Variants in EIF3A observed in about 807,000 individuals in gnomAD.
EIF3A encodes the protein EIF3, p180 subunit.
EIF3A carries 21 observed loss-of-function variants against 186.6 expected under a neutral mutation model. That is an observed-to-expected ratio of 0.11 (90% CI 0.08 to 0.16). The LOEUF (loss-of-function observed/expected upper bound fraction) is 0.16. Among genes scored for constraint, EIF3A ranks in the 10% least tolerant of loss-of-function variants. The probability of loss-of-function intolerance (pLI) is 1.00; values close to 1 mark genes in which losing one functional copy is unlikely to be tolerated. For synonymous variants in EIF3A, 563 were observed against 584.3 expected (o/e 0.96, Z 0.52); for missense variants, 1,306 against 1,796.3 (o/e 0.73, Z 4.93).
intron 14 of EIF3A, among the ~76,000 whole-genome samples, chr10:119,055,246 T>C (rs191793618): frequency 5.3e-5 from 8 of 151,826 alleles, no homozygotes; most frequent in African/African-American, 1.5e-4. Flanking sequence ...CAGGGAATAA[T>C]AGGAAGGGTC....
chr10:119,061,378 T>C, intron 7 of EIF3A, 50 bp from the exon 8 acceptor site: 1 of 858,884 alleles, frequency 1.2e-6, no homozygotes, highest in South Asian at 1.6e-5. Flanking sequence ...ATTTTCCAAC[T>C]AAAATTCTGA....
At chr10:119,061,063 GAT>G in intron 8 of EIF3A, 159 bp downstream of exon 8, 1 of 571,018 alleles carries the variant, frequency 1.8e-6, no homozygotes, top group Non-Finnish European at 3.1e-6. Context: ...GAGCACATCA[GAT>G]ATATCTTTTC....
At chr10:119,044,971 A>G (rs1253718766) in intron 17 of EIF3A, among the ~76,000 whole-genome samples, 2 of 145,162 alleles carry the variant, frequency 1.4e-5, no homozygotes, top group Non-Finnish European at 3.0e-5. Context: ...TTGAGGTGGA[A>G]TCTCACTCTG....
At position 119,036,172 on chromosome 10, in the gene EIF3A, C is replaced by T. The variant is rs1261567281; in HGVS notation, c.4016G>A (p.Arg1339Gln). The T allele has an allele frequency of 7.4e-6, 12 of 1,613,576 alleles. No individual in the cohort carries two copies. Among genetic ancestry groups the T allele is most frequent in the Admixed American group, 1.7e-5 (1 of 59,942 alleles). ...RVPPPALSRD[R>Q]ERDRDREREG... is the part of the protein sequence containing the mutation. ...TCTTTCTCGGTCTCGGTCTCTTTCT[C>T]GGTCTCTTGAAAGAGCTGGGGGAGG... is the stretch of plus-strand genomic sequence containing the variant. Residue 1339 changes from arginine (R) to glutamine (Q), a missense_variant, in exon 22 of 22, where the codon CGA becomes CAA. Arg to Gln is a conservative substitution (Grantham distance 43). Around this residue, in one of 8 missense-constraint regions of EIF3A, gnomAD observed 331 missense variants for 365.8 expected, o/e 0.90. Coordinates refer to ENST00000369144, the MANE Select transcript of EIF3A (RefSeq NM_003750.4).
At position 119,050,551 on chromosome 10, in the gene EIF3A, GCTC is replaced by G. The variant is rs770493523; in HGVS notation, c.2440_2442del (p.Glu814del). 2.5e-6 allele frequency: 4 copies of G among 1,613,964 alleles called. No homozygotes were observed. The highest frequency in any genetic ancestry group is 3.4e-6 in the Non-Finnish European group (4 of 1,179,926). On this transcript the variant is annotated inframe_deletion, in exon 16 of 22. Transcript: ENST00000369144. ...AGCATTTGTTCTTCTGCCCTTCTCTGCTCCTCCTCTTCTTTTTCTCTATAGTAT... is the reference window on the plus strand; with the variant it reads ...AGCATTTGTTCTTCTGCCCTTCTCTGCTCCTCTTCTTTTTCTCTATAGTAT...
intron 6 of EIF3A, among the ~76,000 whole-genome samples, chr10:119,068,820 A>G (rs1290396606): frequency 6.6e-6 from 1 of 151,914 alleles, no homozygotes; most frequent in African/African-American, 2.4e-5. Flanking sequence ...TAAAAATGCA[A>G]AAATTAGCCG....
chr10:119,050,146 A>C (rs1478854044), intron 16 of EIF3A, among the ~76,000 whole-genome samples, 161 bp from the exon 17 acceptor site: 2 of 152,206 alleles, frequency 1.3e-5, no homozygotes, highest in African/African-American at 4.8e-5. Context: ...CAAGAAAATA[A>C]GTACTACACC....
Position 119,050,346 on chromosome 10 carries a change from T to C in EIF3A, c.2473+175A>G, listed in dbSNP as rs145698252. Among the ~76,000 whole-genome samples the C allele has an allele frequency of 5.3e-5, 8 of 152,348 alleles. No homozygotes were observed. In the East Asian group the frequency reaches 1.5e-3, roughly 29 times the overall value. ...GAACATCAAATGTGTGGGGAAATGC[T>C]GGCAGACGATGTAACAACTTCACAT... is the stretch of plus-strand genomic sequence containing the variant. On this transcript the variant is annotated intron_variant, in intron 16 of 21. Coordinates refer to ENST00000369144, the MANE Select transcript of EIF3A (RefSeq NM_003750.4).
At chr10:119,049,125 G>A (rs1848320968) in intron 17 of EIF3A, among the ~76,000 whole-genome samples, 1 of 152,108 alleles carries the variant, frequency 6.6e-6, no homozygotes, top group Non-Finnish European at 1.5e-5. Flanking sequence ...TCCCCCCTTA[G>A]GTGCCTTCTG....
In EIF3A at chr10:119,044,432, G is replaced by A. The variant is rs1848255672; in HGVS notation, c.2659-290C>T. ...CTTCAACCTAGAAATCCCCTTTGAA[G>A]AATGTGAAAAAAGCCACATGCCCTG... On this transcript the variant is annotated intron_variant, in intron 17 of 21. Coordinates refer to ENST00000369144, the MANE Select transcript of EIF3A (RefSeq NM_003750.4). 2.6e-5 allele frequency among the ~76,000 whole-genome samples: 4 copies of A among 152,248 alleles called. No homozygotes were observed. In the South Asian group the frequency reaches 6.2e-4, roughly 24 times the overall value.
chr10:119,078,678 A>C (rs1327675873), intron 1 of EIF3A, among the ~76,000 whole-genome samples: 3 of 152,060 alleles, frequency 2.0e-5, no homozygotes, highest in African/African-American at 7.2e-5. Flanking sequence ...AGTCTTTTTT[A>C]AAAAGCTACA....
chr10:119,038,543 G>A, intron 19 of EIF3A, 104 bp from the exon 20 acceptor site: 1 of 908,902 alleles, frequency 1.1e-6, no homozygotes, highest in South Asian at 1.6e-5. Flanking sequence ...CATTCTAAAT[G>A]CTAATTTAAG....
chr10:119,042,031 GTCATCACCCCGTCTGGGAAACCGATCA>G lies in EIF3A; in HGVS notation c.3462_3488del (p.Asp1155_Asp1163del), dbSNP rs1848214469. 1 of 1,614,216 alleles carries G rather than the reference GTCATCACCCCGTCTGGGAAACCGATCA, an allele frequency of 6.2e-7. No individual in the cohort carries two copies. The highest frequency in any genetic ancestry group is 2.2e-5 in the East Asian group (1 of 44,884). On this transcript the variant is annotated inframe_deletion, in exon 19 of 22. Transcript: ENST00000369144. The surrounding 1 kb of genome is among the most constrained non-coding windows in gnomAD (Gnocchi z 7.8). ...ATGGTCTCCAAGGACCAGGTCTTGA[GTCATCACCCCGTCTGGGAAACCGATCA>G]TCATCAGCACGTCTTGAAAGGCGAT...
intron 6 of EIF3A, among the ~76,000 whole-genome samples, chr10:119,068,594 T>C (rs1268165937): frequency 6.6e-6 from 1 of 152,060 alleles, no homozygotes; most frequent in African/African-American, 2.4e-5. Context: ...GAGAATTGTT[T>C]GAACCCAGGA....
intron 14 of EIF3A, among the ~76,000 whole-genome samples, chr10:119,052,390 G>GTGTGTGTA (rs1452408317): frequency 4.0e-5 from 6 of 150,682 alleles, no homozygotes; most frequent in African/African-American, 1.5e-4. Context: ...GTGTGTGTGT[G>GTGTGTGTA]TGTGTGTGTT....
intron 19 of EIF3A, among the ~76,000 whole-genome samples, chr10:119,038,784 TG>T (rs1350010809): frequency 6.6e-6 from 1 of 151,922 alleles, no homozygotes; most frequent in Non-Finnish European, 1.5e-5. Context: ...TAGCCAGGTG[TG>T]GTGGTGCGCC....
chr10:119,069,644 T>C lies in EIF3A; in HGVS notation c.752A>G (p.Lys251Arg). The C allele has an allele frequency of 6.4e-7, 1 of 1,564,992 alleles. No individual in the cohort carries two copies. Among genetic ancestry groups the C allele is most frequent in the Non-Finnish European group, 8.8e-7 (1 of 1,135,620 alleles). ...ISMELWQEAF[K>R]AVEDIHGLFS... ...TAGCCCGTGAATATCTTCCACAGCT[T>C]TGAATGCTTCCTAAAATTAGGAGTA... is the stretch of plus-strand genomic sequence containing the variant. Residue 251 changes from lysine to arginine, a missense_variant, in exon 6 of 22, where the codon AAA (lysine) becomes AGA (arginine). Physicochemically the swap from Lys to Arg is conservative, Grantham distance 26. Coordinates refer to ENST00000369144, the MANE Select transcript of EIF3A (RefSeq NM_003750.4).
At chr10:119,043,953 G>T in intron 18 of EIF3A, 101 bp downstream of exon 18, 2 of 864,010 alleles carry the variant, frequency 2.3e-6, no homozygotes, top group Non-Finnish European at 3.9e-6. Flanking sequence ...ATTCTTCATG[G>T]CTCTCCTTTC....
In EIF3A at chr10:119,058,380, T is replaced by C. The variant is rs1211940470; in HGVS notation, c.1630-77A>G. 4 of 991,666 alleles carry C rather than the reference T, an allele frequency of 4.0e-6. No homozygotes were observed. The Admixed American group carries it at 1.1e-4, about 26-fold the overall frequency. The allele number at this position is 991,666 out of a possible 1,614,324, so 61.4% of individuals were successfully genotyped here. ...ATTAGGCATCAAAGAAATTACAAAA[T>C]AATCCTGATGTACTGCCTTTCTATG... On this transcript the variant is annotated intron_variant, in intron 11 of 21. Transcript: ENST00000369144.
Sources: allele counts gnomAD v4.1 joint callset (sites outside exome capture counted in the v4.1 genomes callset), GRCh38; gene constraint gnomAD v4.1.1; regional missense constraint gnomAD v4.1.1; non-coding constraint Gnocchi (gnomAD v3.1); transcripts MANE v1.5; gene names NCBI Gene and HGNC (gene_info 2026-07-23, HGNC 2026-07-21).